Variants in GCA observed in about 807,000 individuals in gnomAD.
The protein encoded by GCA is grancalcin, also known as grancalcin, EF-hand calcium-binding protein.
Under a neutral mutation model 32.6 loss-of-function variants are expected in GCA, and 30 were observed. The ratio of observed to expected loss-of-function variants is 0.92; its 90% confidence interval spans 0.69 to 1.25. The LOEUF (loss-of-function observed/expected upper bound fraction) is 1.25. Among genes scored for constraint, GCA ranks in the 50% most tolerant of loss-of-function variants. The pLI is 0.00. For synonymous variants in GCA, 102 were observed against 84.6 expected (o/e 1.21, Z -1.13); for missense variants, 291 against 266.8 (o/e 1.09, Z -0.63).
downstream of GCA, among the ~76,000 whole-genome samples, chr2:162,367,017 G>T (rs539328937): frequency 3.3e-5 from 5 of 151,832 alleles, no homozygotes; most frequent in African/African-American, 4.8e-5. Context: ...ATCACACACA[G>T]ATTTACTGTA....
intron 1 of GCA, among the ~76,000 whole-genome samples, chr2:162,321,915 T>C (rs1202514396): frequency 1.8e-4 from 19 of 108,402 alleles, no homozygotes; most frequent in East Asian, 2.6e-4. Flanking sequence ...TATATATATA[T>C]ATATATATAT....
chr2:162,324,408 C>G (rs1683801269), intron 1 of GCA, among the ~76,000 whole-genome samples: 1 of 152,202 alleles, frequency 6.6e-6, no homozygotes, highest in African/African-American at 2.4e-5. Flanking sequence ...GGGCTCCCCT[C>G]AACTGCCCCA....
At chr2:162,326,854 A>T (rs1683902046) in intron 1 of GCA, among the ~76,000 whole-genome samples, 1 of 152,110 alleles carries the variant, frequency 6.6e-6, no homozygotes, top group African/African-American at 2.4e-5. Context: ...TCAGGGTATG[A>T]TGGAGAGAGA....
downstream of GCA, among the ~76,000 whole-genome samples, chr2:162,365,019 A>G (rs1237322695): frequency 6.6e-6 from 1 of 151,496 alleles, no homozygotes; most frequent in African/African-American, 2.4e-5. Flanking sequence ...GAACTCAGTA[A>G]AACTGTAGCA....
Position 162,360,362 on chromosome 2 carries a change from C to G in GCA, c.*119C>G, listed in dbSNP as rs1368833118. The G allele has an allele frequency of 2.1e-6, 3 of 1,412,796 alleles. No homozygotes were observed. Among genetic ancestry groups the G allele is most frequent in the Non-Finnish European group, 2.8e-6 (3 of 1,078,916 alleles). The allele number at this position is 1,412,796 out of a possible 1,614,324, so 87.5% of individuals were successfully genotyped here. A position where few individuals can be genotyped will look rare whatever the true frequency, so the allele number is the denominator to read the frequency against. On this transcript the variant is annotated 3_prime_UTR_variant, in exon 8 of 8. Transcript: ENST00000437150. ...GTTCTTCCTACCTGTTAAACCTCTT[C>G]CCTTTCTGTGTGTTTTTATTTTAGC...
At chr2:162,319,032 C>A, upstream of GCA, 1 of 405,620 alleles carries the variant, frequency 2.5e-6, no homozygotes, top group Admixed American at 2.7e-5. Flanking sequence ...CGGACGTGAA[C>A]AGGGAGTTAC....
chr2:162,360,843 T>A lies in GCA; in HGVS notation c.*600T>A. ...GACTACAGAAGGCATTGTTTTTTCC[T>A]TTTTTATTTTTTGTATTATATATTT... On this transcript the variant is annotated 3_prime_UTR_variant, in exon 8 of 8. Coordinates refer to ENST00000437150, the MANE Select transcript of GCA (RefSeq NM_012198.5). 1.7e-6 allele frequency: 2 copies of A among 1,171,866 alleles called. No homozygotes were observed. The highest frequency in any genetic ancestry group is 2.2e-6 in the Non-Finnish European group (2 of 928,394). 72.6% of individuals were successfully genotyped at this position (1,171,866 alleles called of 1,614,324 possible).
At chr2:162,347,998 T>A (rs1576284651) in intron 2 of GCA, among the ~76,000 whole-genome samples, 1 of 152,208 alleles carries the variant, frequency 6.6e-6, no homozygotes, top group South Asian at 2.1e-4. Context: ...AATCTGATTC[T>A]TTCTTACCTA....
At chr2:162,346,303 A>G (rs1372608545) in intron 1 of GCA, among the ~76,000 whole-genome samples, 1 of 152,230 alleles carries the variant, frequency 6.6e-6, no homozygotes, top group East Asian at 1.9e-4. Context: ...AAGATGAAGA[A>G]TCTGTCCTTA....
chr2:162,358,075 T>C (rs910137275), intron 5 of GCA, among the ~76,000 whole-genome samples: 2 of 151,572 alleles, frequency 1.3e-5, no homozygotes, highest in Non-Finnish European at 3.0e-5. Flanking sequence ...TATAGCTGCA[T>C]GTATAATTTT....
chr2:162,371,102 G>C (rs148796222), intron 4 of GCA, among the ~76,000 whole-genome samples: 142 of 152,210 alleles, frequency 9.3e-4, no homozygotes, highest in Non-Finnish European at 1.4e-3. Flanking sequence ...CAGAAAAAAA[G>C]CAAAATGAGA....
chr2:162,362,404 A>C lies in GCA; in HGVS notation c.*2161A>C, dbSNP rs1685611405. ...TACCAGAATTTTTATACTGAAATAC[A>C]GTTCACTTTTTCGATGCTTTAAAAA... On this transcript the variant is annotated 3_prime_UTR_variant, in exon 8 of 8. Transcript: ENST00000437150. The C allele has an allele frequency of 1.0e-6, 1 of 973,524 alleles. No homozygotes were observed. The highest frequency in any genetic ancestry group is 1.2e-6 in the Non-Finnish European group (1 of 819,350). The allele number at this position is 973,524 out of a possible 1,614,324, so 60.3% of individuals were successfully genotyped here. A position where few individuals can be genotyped will look rare whatever the true frequency, so the allele number is the denominator to read the frequency against.
intron 2 of GCA, among the ~76,000 whole-genome samples, chr2:162,348,051 T>C (rs944933409): frequency 1.3e-5 from 2 of 152,182 alleles, no homozygotes; most frequent in Non-Finnish European, 2.9e-5. Context: ...GGGCTCCTCT[T>C]ACTAGTCACT....
chr2:162,370,782 T>C (rs1011251181), intron 4 of GCA, among the ~76,000 whole-genome samples: 19 of 152,096 alleles, frequency 1.2e-4, no homozygotes, highest in African/African-American at 4.1e-4. Flanking sequence ...ATTTATTTTT[T>C]GAGATAGGGT....
At chr2:162,341,092 A>C (rs1327088665), upstream of GCA, among the ~76,000 whole-genome samples, 3 of 151,922 alleles carry the variant, frequency 2.0e-5, no homozygotes, top group Non-Finnish European at 4.4e-5. Context: ...AAAAGCAAGG[A>C]CATTCCTCCC....
rs189934128 is a variant in GCA, at chr2:162,323,333, G to A, written c.-31+4108G>A. ...GCCCTTTGTCGGATGAGTAGGTTGC[G>A]AAAATTTTCTCCCATTTTGTAGGTT... is the stretch of plus-strand genomic sequence containing the variant. On this transcript the variant is annotated intron_variant, in intron 1 of 4. Coordinates refer to the GCA transcript ENST00000429691. Among the ~76,000 whole-genome samples, 692 of 151,868 alleles carry A rather than the reference G, an allele frequency of 4.6e-3. 26 individuals carry two copies. The highest frequency in any genetic ancestry group is 0.016 in the African/African-American group (647 of 41,180).
chr2:162,340,101 A>G (rs1237235627), upstream of GCA, among the ~76,000 whole-genome samples: 1 of 152,186 alleles, frequency 6.6e-6, no homozygotes, highest in Non-Finnish European at 1.5e-5. Flanking sequence ...TGTTAGGGCC[A>G]TTTTGGAGGA....
downstream of GCA, among the ~76,000 whole-genome samples, chr2:162,367,341 G>T (rs2105370464): frequency 6.6e-6 from 1 of 151,994 alleles, no homozygotes; most frequent in Admixed American, 6.6e-5. Flanking sequence ...TATATTTTCT[G>T]TAAAAATGGA....
At chr2:162,320,897 T>C (rs1683638836) in intron 1 of GCA, among the ~76,000 whole-genome samples, 1 of 152,202 alleles carries the variant, frequency 6.6e-6, no homozygotes, top group Non-Finnish European at 1.5e-5. Flanking sequence ...TAATAATGTA[T>C]ATTACAGTTT....
Sources: gnomAD v4.1 joint callset for allele counts (sites outside exome capture counted in the v4.1 genomes callset) on GRCh38, gnomAD v4.1.1 for gene constraint, MANE v1.5 for transcripts, NCBI Gene and HGNC (gene_info 2026-07-23, HGNC 2026-07-21) for gene names.